The following HTT variants were observed in gnomAD, a reference collection of about 807,000 sequenced individuals.
HTT encodes huntington disease protein.
Under a neutral mutation model 362.3 loss-of-function variants are expected in HTT, and 104 were observed. The observed-to-expected ratio is 0.29, with a 90% CI of 0.24 to 0.34. The LOEUF is 0.34. HTT is among the 10% of genes least tolerant of loss of function. The pLI, the probability that HTT is intolerant of heterozygous loss-of-function variation, is 1.00. For missense variants in HTT, 3,301 were observed against 3,928.6 expected (o/e 0.84, Z 4.27); for synonymous variants, 1,577 against 1,548.7 (o/e 1.02, Z -0.43).
At chr4:3,221,073 G>A (rs1378309207) in intron 53 of HTT, among the ~76,000 whole-genome samples, 2 of 152,144 alleles carry the variant, frequency 1.3e-5, no homozygotes, top group South Asian at 2.1e-4. Flanking sequence ...CTCAGTGACT[G>A]TGCCCTGCTG....
Position 3,229,679 on chromosome 4 carries a change from TAC to T in HTT, c.8110-201_8110-200del, listed in dbSNP as rs560714879. ...CCACATACGCCACATGTACACACCATACACACACCATACATGCACCACGTGTA... is the reference window on the plus strand; with the variant it reads ...CCACATACGCCACATGTACACACCATACACACCATACATGCACCACGTGTA... On this transcript the variant is annotated intron_variant, in intron 59 of 66. Coordinates refer to ENST00000355072, the MANE Select transcript of HTT (RefSeq NM_001388492.1). Among the ~76,000 whole-genome samples the T allele has an allele frequency of 1.3e-3, 192 of 151,256 alleles. 1 individual carries two copies. Among genetic ancestry groups the T allele is most frequent in the African/African-American group, 4.5e-3 (186 of 41,154 alleles).
Position 3,222,367 on chromosome 4 carries a change from T to A in HTT, c.7370-20T>A. The A allele has an allele frequency of 6.2e-7, 1 of 1,602,070 alleles. No individual in the cohort carries two copies. Among genetic ancestry groups the A allele is most frequent in the Non-Finnish European group, 8.6e-7 (1 of 1,169,104 alleles). ...CTTGAGAAGGGTTGACACTCTCTCATGTAACATTTATATTTCTAGGCTGGA... is the reference window on the plus strand; with the variant it reads ...CTTGAGAAGGGTTGACACTCTCTCAAGTAACATTTATATTTCTAGGCTGGA... On this transcript the variant is annotated intron_variant, in intron 53 of 66. Coordinates refer to ENST00000355072, the MANE Select transcript of HTT (RefSeq NM_001388492.1).
chr4:3,180,370 A>T, intron 35 of HTT, 145 bp from the exon 36 acceptor site: 1 of 570,138 alleles, frequency 1.8e-6, no homozygotes, highest in Non-Finnish European at 2.9e-6. Flanking sequence ...ATAATGATTG[A>T]TAACCTTAAT....
intron 20 of HTT, 76 bp downstream of exon 20, chr4:3,136,043 C>G: frequency 2.8e-6 from 3 of 1,080,094 alleles, no homozygotes; most frequent in African/African-American, 1.6e-5. Flanking sequence ...TGGAATTTCT[C>G]TAAATGCATT....
At chr4:3,099,158 A>G (rs1714016543) in intron 2 of HTT, 116 bp from the exon 3 acceptor site, 6 of 643,896 alleles carry the variant, frequency 9.3e-6, no homozygotes, top group East Asian at 8.2e-5. Context: ...CTTAATTTCT[A>G]TGTAATGTCC....
chr4:3,136,237 G>A lies in HTT; in HGVS notation c.2709G>A (p.Leu903=). Residue 903 remains leucine, a synonymous_variant, in exon 21 of 67, where the codon CTG becomes CTA. Transcript: ENST00000355072. ...GAHHYTGLLK[L]QERVLNNVVI... is the part of the protein sequence containing the mutation. ...CCTTCTCTCTAAAGCTTTTAAAACT[G>A]CAAGAACGAGTGCTCAATAATGTTG... 1.9e-6 allele frequency: 3 copies of A among 1,606,872 alleles called. No homozygotes were observed. In the South Asian group the frequency reaches 3.3e-5, roughly 18 times the overall value.
In HTT at chr4:3,074,930, G is replaced by GCAA. The variant is rs1553909026; in HGVS notation, c.107_108insACA (p.Gln38dup). On this transcript the variant is annotated inframe_insertion, in exon 1 of 67. Transcript: ENST00000355072. ...AGCAGCAGCAGCAGCAGCAGCAGCA[G>GCAA]CAGCAACAGCCGCCACCGCCGCCGC... 40 of 1,302,576 alleles carry GCAA rather than the reference G, an allele frequency of 3.1e-5. No individual in the cohort carries two copies. Among genetic ancestry groups the GCAA allele is most frequent in the African/African-American group, 2.7e-4 (17 of 62,936 alleles). The allele number at this position is 1,302,576 out of a possible 1,614,324, so 80.7% of individuals were successfully genotyped here.
At chr4:3,163,709 A>G (rs965755860) in intron 29 of HTT, among the ~76,000 whole-genome samples, 3 of 152,200 alleles carry the variant, frequency 2.0e-5, no homozygotes, top group Non-Finnish European at 4.4e-5. Context: ...TTATTTGGGT[A>G]GAGATGTTTA....
In HTT at chr4:3,223,683, G is replaced by A. The variant is rs373827349; in HGVS notation, c.7625+123G>A. 33 of 920,528 alleles carry A rather than the reference G, an allele frequency of 3.6e-5. 1 individual carries two copies. Among genetic ancestry groups the A allele is most frequent in the East Asian group, 2.8e-4 (11 of 38,692 alleles). 57.0% of individuals were successfully genotyped at this position (920,528 alleles called of 1,614,324 possible). A position where few individuals can be genotyped will look rare whatever the true frequency, so the allele number is the denominator to read the frequency against. Reference sequence around the variant, plus strand: ...CTTCATTGCTAGAATTGAAAACACCGTCCGTGTGGCCTGTGCAGGAGATGC... The same window carrying A: ...CTTCATTGCTAGAATTGAAAACACCATCCGTGTGGCCTGTGCAGGAGATGC... On this transcript the variant is annotated intron_variant, in intron 55 of 66. Transcript: ENST00000355072.
chr4:3,104,565 G>A (rs1714331673), intron 4 of HTT, among the ~76,000 whole-genome samples: 1 of 152,112 alleles, frequency 6.6e-6, no homozygotes, highest in Non-Finnish European at 1.5e-5. Context: ...CCGAGATCAC[G>A]CCACTGCATT....
In HTT at chr4:3,083,530, TACACACACACACACACACAC is replaced by T. The variant is rs56210756; in HGVS notation, c.264-3371_264-3352del. 1.4e-3 allele frequency among the ~76,000 whole-genome samples: 178 copies of T among 125,214 alleles called. 1 individual carries two copies. Among genetic ancestry groups the T allele is most frequent in the South Asian group, 0.014 (46 of 3,350 alleles). 82.1% of individuals were successfully genotyped at this position (125,214 alleles called of 152,430 possible). A position where few individuals can be genotyped will look rare whatever the true frequency, so the allele number is the denominator to read the frequency against. On this transcript the variant is annotated intron_variant, in intron 1 of 66. Coordinates refer to ENST00000355072, the MANE Select transcript of HTT (RefSeq NM_001388492.1). Reference sequence around the variant, plus strand: ...GAGAGTGAGACCCTGTCTCTAAATATACACACACACACACACACACACACACACACACACACACACACACA... The same window carrying T: ...GAGAGTGAGACCCTGTCTCTAAATATACACACACACACACACACACACACA...
At chr4:3,212,536 A>G in intron 48 of HTT, 28 bp from the exon 49 acceptor site, 1 of 1,609,978 alleles carries the variant, frequency 6.2e-7, no homozygotes, top group South Asian at 1.1e-5. Context: ...TCACGTTTGC[A>G]CCCACCCACG....
chr4:3,083,530 TACACACAC>T (rs56210756), intron 1 of HTT, among the ~76,000 whole-genome samples: 10,596 of 124,602 alleles, frequency 0.085, 583 homozygotes, highest in South Asian at 0.12. Context: ...TCTCTAAATA[TACACACAC>T]ACACACACAC....
intron 41 of HTT, among the ~76,000 whole-genome samples, chr4:3,200,757 G>A (rs1453600934): frequency 6.6e-6 from 1 of 152,274 alleles, no homozygotes; most frequent in Non-Finnish European, 1.5e-5. Flanking sequence ...TGTGCCGTAT[G>A]TAGTGGGGTC....
At chr4:3,092,393 A>T (rs535788277) in intron 2 of HTT, among the ~76,000 whole-genome samples, 105 of 152,082 alleles carry the variant, frequency 6.9e-4, no homozygotes, top group Admixed American at 1.5e-3. Context: ...TATTAAAAAA[A>T]TTTTTTTTAG....
At chr4:3,112,950 T>C (rs1470915437) in intron 6 of HTT, 1 of 704,844 alleles carries the variant, frequency 1.4e-6, no homozygotes, top group Non-Finnish European at 1.7e-6. Context: ...TGATGGGTGT[T>C]TTCTGGAATC....
At chr4:3,223,860 C>T in intron 55 of HTT, 132 bp from the exon 56 acceptor site, 1 of 895,984 alleles carries the variant, frequency 1.1e-6, no homozygotes, top group Non-Finnish European at 1.8e-6. Context: ...GACAGGTGCT[C>T]ACTTAGGAAG....
intron 40 of HTT, among the ~76,000 whole-genome samples, chr4:3,190,313 TG>T (rs1269235754): frequency 1.3e-5 from 2 of 149,346 alleles, no homozygotes; most frequent in Non-Finnish European, 3.0e-5. Context: ...CACTCCAGCC[TG>T]GGCTACAGAA....
chr4:3,083,530 TACACACACACACAC>T (rs56210756), intron 1 of HTT, among the ~76,000 whole-genome samples: 2,850 of 125,162 alleles, frequency 0.023, 81 homozygotes, highest in African/African-American at 0.042. Context: ...TCTCTAAATA[TACACACACACACAC>T]ACACACACAC....
Sources: allele counts gnomAD v4.1 joint callset (sites outside exome capture counted in the v4.1 genomes callset), GRCh38; gene constraint gnomAD v4.1.1; transcripts MANE v1.5; gene names NCBI Gene and HGNC (gene_info 2026-07-23, HGNC 2026-07-21).